Variants in LRFN2 observed in about 807,000 individuals in gnomAD.
LRFN2 encodes the protein leucine rich repeat and fibronectin type III domain containing 2, also known as leucine-rich repeat and fibronectin type-III domain-containing protein 2.
Under a neutral mutation model 37.3 loss-of-function variants are expected in LRFN2, and 18 were observed. That is an observed-to-expected ratio of 0.48 (90% CI 0.33 to 0.72). LRFN2 has a LOEUF of 0.72. LRFN2 is among the 30% of genes least tolerant of loss of function. LRFN2 has a pLI of 0.02. For synonymous variants in LRFN2, 556 were observed against 466.6 expected (o/e 1.19, Z -2.47); for missense variants, 1,006 against 1,060.7 (o/e 0.95, Z 0.72).
At chr6:40,510,407 C>T (rs929476075) in intron 1 of LRFN2, among the ~76,000 whole-genome samples, 1 of 152,196 alleles carries the variant, frequency 6.6e-6, no homozygotes, top group Non-Finnish European at 1.5e-5. Flanking sequence ...ATCTGAAGTC[C>T]CCCTGTCTTT....
intron 1 of LRFN2, among the ~76,000 whole-genome samples, chr6:40,569,107 G>T (rs1166247585): frequency 6.6e-6 from 1 of 152,334 alleles, no homozygotes; most frequent in South Asian, 2.1e-4. Flanking sequence ...ACAGCTTCAT[G>T]TGGGAAGAAA....
intron 1 of LRFN2, among the ~76,000 whole-genome samples, chr6:40,526,759 C>T (rs1403202708): frequency 2.0e-5 from 3 of 152,176 alleles, no homozygotes; most frequent in Non-Finnish European, 4.4e-5. Flanking sequence ...GCACACCCAC[C>T]ACCTCATTAA....
At chr6:40,575,185 C>T (rs1306296427) in intron 1 of LRFN2, among the ~76,000 whole-genome samples, 1 of 152,074 alleles carries the variant, frequency 6.6e-6, no homozygotes, top group Non-Finnish European at 1.5e-5. Flanking sequence ...GCAGGGCCTC[C>T]TCACTGCTGT....
intron 1 of LRFN2, among the ~76,000 whole-genome samples, chr6:40,464,976 G>T (rs1441401826): frequency 6.6e-6 from 1 of 152,172 alleles, no homozygotes; most frequent in Non-Finnish European, 1.5e-5. Context: ...AATTAAGGTT[G>T]CAGATATAAT....
intron 2 of LRFN2, among the ~76,000 whole-genome samples, chr6:40,409,976 G>A (rs1303985673): frequency 1.3e-5 from 2 of 152,170 alleles, no homozygotes; most frequent in African/African-American, 4.8e-5. Flanking sequence ...CTGTGTTTCT[G>A]CTGATTCTCC....
intron 1 of LRFN2, among the ~76,000 whole-genome samples, chr6:40,512,650 A>C (rs1014359100): frequency 6.6e-6 from 1 of 152,194 alleles, no homozygotes; most frequent in Non-Finnish European, 1.5e-5. Flanking sequence ...ACTGAAAATA[A>C]ACAGAACAGA....
intron 2 of LRFN2, among the ~76,000 whole-genome samples, chr6:40,402,927 G>C (rs528265195): frequency 7.4e-4 from 113 of 152,344 alleles, no homozygotes; most frequent in African/African-American, 2.6e-3. Context: ...CATGGGCAGA[G>C]TTTCCAGGCA....
chr6:40,415,520 C>T (rs79151798), intron 2 of LRFN2, among the ~76,000 whole-genome samples: 1,891 of 152,294 alleles, frequency 0.012, 36 homozygotes, highest in African/African-American at 0.039. Flanking sequence ...GCCACGCACC[C>T]GGCCTGAATT....
intron 1 of LRFN2, among the ~76,000 whole-genome samples, chr6:40,495,420 G>A (rs1332806969): frequency 6.6e-6 from 1 of 152,128 alleles, no homozygotes; most frequent in Non-Finnish European, 1.5e-5. Flanking sequence ...ATATTTACTA[G>A]TCAGTACCAT....
At chr6:40,520,255 G>A (rs775260144) in intron 1 of LRFN2, among the ~76,000 whole-genome samples, 10 of 152,112 alleles carry the variant, frequency 6.6e-5, no homozygotes, top group African/African-American at 2.2e-4. Context: ...TCTGGCGTAC[G>A]GCAGTGATGA....
intron 1 of LRFN2, among the ~76,000 whole-genome samples, chr6:40,447,483 C>A (rs531031543): frequency 1.8e-4 from 28 of 152,224 alleles, no homozygotes; most frequent in Non-Finnish European, 3.4e-4. Context: ...AAATGGGGAC[C>A]TGAGTTTAGA....
Position 40,392,771 on chromosome 6 carries a change from G to A in LRFN2, c.1542C>T (p.Phe514=). ...GGCACTGCGGGTAGTCAGCCTTGGTGAAGAACTGGGCGCAGCCCACGATGT... is the reference window on the plus strand; with the variant it reads ...GGCACTGCGGGTAGTCAGCCTTGGTAAAGAACTGGGCGCAGCCCACGATGT... ...ATNIVGCAQF[F]TKADYPQCQS... is the part of the protein sequence containing the mutation. Residue 514 remains phenylalanine (F), a synonymous_variant, in exon 3 of 3, where the codon TTC becomes TTT. Coordinates refer to ENST00000338305, the MANE Select transcript of LRFN2 (RefSeq NM_020737.3). This position sits in a 1 kb window ranked among gnomAD's most constrained non-coding sequence, Gnocchi z 4.7. The A allele has an allele frequency of 6.2e-7, 1 of 1,614,168 alleles. No individual in the cohort carries two copies.
chr6:40,422,109 T>C (rs908075426), intron 2 of LRFN2, among the ~76,000 whole-genome samples: 1 of 152,194 alleles, frequency 6.6e-6, no homozygotes, highest in Admixed American at 6.5e-5. Flanking sequence ...GAAATGCACA[T>C]GGTGTTTTGT....
intron 1 of LRFN2, among the ~76,000 whole-genome samples, chr6:40,461,219 C>G (rs1198991095): frequency 6.6e-6 from 1 of 151,888 alleles, no homozygotes; most frequent in South Asian, 2.1e-4. Flanking sequence ...CCAACCTGGT[C>G]AACATAGCAA....
intron 2 of LRFN2, among the ~76,000 whole-genome samples, chr6:40,395,434 G>T (rs556254905): frequency 2.0e-4 from 31 of 152,328 alleles, no homozygotes; most frequent in South Asian, 4.1e-4. Context: ...CTTAGAGCCT[G>T]CTGTGACTCA....
At chr6:40,396,548 G>A (rs895286780) in intron 2 of LRFN2, among the ~76,000 whole-genome samples, 7 of 152,162 alleles carry the variant, frequency 4.6e-5, no homozygotes, top group African/African-American at 1.4e-4. Flanking sequence ...GATTCTTGGC[G>A]GGCCACTGGA....
chr6:40,476,715 G>C (rs1447409354), intron 1 of LRFN2, among the ~76,000 whole-genome samples: 1 of 152,262 alleles, frequency 6.6e-6, no homozygotes, highest in Non-Finnish European at 1.5e-5. Context: ...CATGGGAAGA[G>C]GATACAATGC....
chr6:40,478,317 A>T (rs974265422), intron 1 of LRFN2, among the ~76,000 whole-genome samples: 6 of 152,240 alleles, frequency 3.9e-5, no homozygotes, highest in Non-Finnish European at 5.9e-5. Flanking sequence ...AAATAGACAA[A>T]AAGTGCTAAT....
chr6:40,451,672 C>T (rs929377807), intron 1 of LRFN2, among the ~76,000 whole-genome samples: 10 of 152,134 alleles, frequency 6.6e-5, no homozygotes, highest in East Asian at 5.8e-4. Context: ...CTGACAATTA[C>T]GAGAAGGAGC....
Sources: allele counts gnomAD v4.1 joint callset (sites outside exome capture counted in the v4.1 genomes callset), GRCh38; gene constraint gnomAD v4.1.1; non-coding constraint Gnocchi (gnomAD v3.1); transcripts MANE v1.5; gene names NCBI Gene and HGNC (gene_info 2026-07-23, HGNC 2026-07-21).